EBF2: variants seen among roughly 807,000 people sequenced by gnomAD.
EBF2 encodes transcription factor COE2.
A neutral mutation model predicts 72.8 loss-of-function variants in EBF2; 21 were observed. That is an observed-to-expected ratio of 0.29 (90% confidence interval 0.20 to 0.42). EBF2 has a LOEUF of 0.42. Among genes scored for constraint, EBF2 ranks in the 10% least tolerant of loss-of-function variants. The pLI, the probability that EBF2 is intolerant of heterozygous loss-of-function variation, is 1.00. For synonymous variants in EBF2, 299 were observed against 274.2 expected (o/e 1.09, Z -0.89); for missense variants, 637 against 731.2 (o/e 0.87, Z 1.49).
chr8:25,943,561 C>A, intron 6 of EBF2, among the ~76,000 whole-genome samples: 1 of 152,050 alleles, frequency 6.6e-6, no homozygotes, highest in Admixed American at 6.5e-5. Context: ...GTTCCTGACT[C>A]CTAGTTCTAT....
chr8:26,006,280 G>T (rs1282140780), intron 6 of EBF2, among the ~76,000 whole-genome samples: 3 of 152,172 alleles, frequency 2.0e-5, no homozygotes, highest in African/African-American at 7.2e-5. Flanking sequence ...ACATATGTAG[G>T]CACATTTTAC....
intron 10 of EBF2, among the ~76,000 whole-genome samples, chr8:25,871,583 CAA>C (rs1363907665): frequency 6.6e-6 from 1 of 152,048 alleles, no homozygotes; most frequent in African/African-American, 2.4e-5. Context: ...AGAAGCTAAT[CAA>C]GAGGGAATTC....
At chr8:25,933,535 C>T (rs1350741885) in intron 6 of EBF2, among the ~76,000 whole-genome samples, 2 of 152,072 alleles carry the variant, frequency 1.3e-5, no homozygotes, top group African/African-American at 4.8e-5. Context: ...GATCAAAAGT[C>T]TTAAAAATGC....
At chr8:26,037,015 T>G (rs1271018131) in intron 5 of EBF2, among the ~76,000 whole-genome samples, 1 of 152,228 alleles carries the variant, frequency 6.6e-6, no homozygotes, top group Non-Finnish European at 1.5e-5. Flanking sequence ...TTTTTCCTAA[T>G]GAATGAAAAT....
chr8:26,023,409 A>G (rs998206116), intron 6 of EBF2, among the ~76,000 whole-genome samples: 1 of 152,180 alleles, frequency 6.6e-6, no homozygotes, highest in African/African-American at 2.4e-5. Context: ...ACACAATTTC[A>G]TAAGGAAGAA....
At chr8:25,919,930 G>A (rs546741539) in intron 6 of EBF2, among the ~76,000 whole-genome samples, 22 of 152,236 alleles carry the variant, frequency 1.4e-4, no homozygotes, top group East Asian at 1.9e-4. Flanking sequence ...CTATTACTTG[G>A]GTAGTTTGGA....
intron 7 of EBF2, among the ~76,000 whole-genome samples, chr8:25,894,788 C>T (rs529029845): frequency 2.6e-5 from 4 of 152,306 alleles, no homozygotes; most frequent in Admixed American, 6.5e-5. Flanking sequence ...ATCATATAAC[C>T]ATCAATACCA....
At chr8:25,934,995 CCAAGCGACTTG>C (rs1367880907) in intron 6 of EBF2, among the ~76,000 whole-genome samples, 2 of 152,182 alleles carry the variant, frequency 1.3e-5, no homozygotes, top group Admixed American at 1.3e-4. Flanking sequence ...AGCCACAGGA[CCAAGCGACTTG>C]CAAGCTGTTT....
chr8:25,904,235 C>CA (rs35930162), intron 7 of EBF2, among the ~76,000 whole-genome samples: 1,314 of 121,792 alleles, frequency 0.011, 22 homozygotes, highest in African/African-American at 0.029. Flanking sequence ...GGGTCTGGGC[C>CA]AAAAAAAAAA....
At chr8:25,981,297 C>T (rs1190300153) in intron 6 of EBF2, among the ~76,000 whole-genome samples, 1 of 152,126 alleles carries the variant, frequency 6.6e-6, no homozygotes, top group African/African-American at 2.4e-5. Flanking sequence ...GCCCCCATCC[C>T]ATCTTCCCTC....
Position 26,010,897 on chromosome 8 carries a change from A to T in EBF2, c.551+22188T>A, listed in dbSNP as rs562209152. On this transcript the variant is annotated intron_variant, in intron 6 of 15. Coordinates refer to ENST00000520164, the MANE Select transcript of EBF2 (RefSeq NM_022659.4). Reference sequence around the variant, plus strand: ...TTGACAAATATGGGCACCGATGTGTAGCTATTTACCTGCCTGCACTAGAAA... The same window carrying T: ...TTGACAAATATGGGCACCGATGTGTTGCTATTTACCTGCCTGCACTAGAAA... Among the ~76,000 whole-genome samples, 3 of 152,260 alleles carry T rather than the reference A, an allele frequency of 2.0e-5. No individual in the cohort carries two copies. The East Asian group carries it at 5.8e-4, about 29-fold the overall frequency.
chr8:26,010,510 C>A (rs959593554), intron 6 of EBF2, among the ~76,000 whole-genome samples: 7 of 152,150 alleles, frequency 4.6e-5, no homozygotes, highest in Non-Finnish European at 7.3e-5. Flanking sequence ...TGAACAAAAC[C>A]CAGTAGCGGC....
At chr8:25,970,111 T>C (rs1804168362) in intron 6 of EBF2, among the ~76,000 whole-genome samples, 1 of 152,140 alleles carries the variant, frequency 6.6e-6, no homozygotes, top group Non-Finnish European at 1.5e-5. Flanking sequence ...GATCTATTCT[T>C]TCTAGTCTGC....
rs190727961 is a variant in EBF2 at position 26,000,119 on chromosome 8, C to T, written c.551+32966G>A. On this transcript the variant is annotated intron_variant, in intron 6 of 15. Transcript: ENST00000520164. The stretch of plus-strand genomic sequence containing the variant: ...GTCCTAGAACTTCCTAAGTTACAGT[C>T]GAATGAGAATCTGGCATTTGAGTCC... Among the ~76,000 whole-genome samples the T allele has an allele frequency of 6.5e-4, 99 of 152,208 alleles. 1 individual carries two copies. Among genetic ancestry groups the T allele is most frequent in the African/African-American group, 2.3e-3 (94 of 41,542 alleles).
chr8:25,955,666 G>T (rs889245139), intron 6 of EBF2, among the ~76,000 whole-genome samples: 6 of 152,190 alleles, frequency 3.9e-5, no homozygotes, highest in Non-Finnish European at 8.8e-5. Flanking sequence ...AAGGAAAAAG[G>T]AGAGAGCTTG....
intron 14 of EBF2, among the ~76,000 whole-genome samples, chr8:25,853,034 A>G (rs1331711864): frequency 6.6e-6 from 1 of 152,216 alleles, no homozygotes; most frequent in Admixed American, 6.5e-5. Context: ...AATAAAGGTG[A>G]CATTTCATAT....
At chr8:25,964,638 A>G (rs1397576267) in intron 6 of EBF2, among the ~76,000 whole-genome samples, 2 of 152,218 alleles carry the variant, frequency 1.3e-5, no homozygotes, top group African/African-American at 4.8e-5. Flanking sequence ...ACGGTCCACT[A>G]TTCATCATAA....
chr8:25,851,131 C>A (rs1393031489), intron 14 of EBF2, among the ~76,000 whole-genome samples: 3 of 151,442 alleles, frequency 2.0e-5, no homozygotes, highest in Admixed American at 6.7e-5. Flanking sequence ...CCTGAAAAAT[C>A]ATCAAATCTA....
At chr8:25,927,343 T>C (rs9692710) in intron 6 of EBF2, among the ~76,000 whole-genome samples, 73,397 of 147,656 alleles carry the variant, frequency 0.5, 20,745 homozygotes, top group East Asian at 0.76. Context: ...CTAGATATCA[T>C]ATATATTTAT....
Sources: gnomAD v4.1 joint callset for allele counts (sites outside exome capture counted in the v4.1 genomes callset) on GRCh38, gnomAD v4.1.1 for gene constraint, MANE v1.5 for transcripts, NCBI Gene and HGNC (gene_info 2026-07-23, HGNC 2026-07-21) for gene names.